UBIAD1: variants seen among roughly 807,000 people sequenced by gnomAD.
The protein encoded by UBIAD1 is UbiA prenyltransferase domain containing 1, also known as ubiA prenyltransferase domain-containing protein 1.
A neutral mutation model predicts 20.1 loss-of-function variants in UBIAD1; 12 were observed. The ratio of observed to expected loss-of-function variants is 0.60; its 90% confidence interval spans 0.38 to 0.97. The LOEUF (loss-of-function observed/expected upper bound fraction) is 0.97. Ranked by LOEUF, UBIAD1 falls within the 50% of genes least tolerant of loss-of-function variation. The pLI is 0.00. For missense variants in UBIAD1, 333 were observed against 419.5 expected (o/e 0.79, Z 1.80); for synonymous variants, 207 against 189.2 (o/e 1.09, Z -0.77).
chr1:11,286,115 G>A lies in UBIAD1; in HGVS notation c.1001G>A (p.Ser334Asn). Reference sequence around the variant, plus strand: ...GGCATCATTCTGGCACCAGCAGGCAGTCTGCCCAAAATTTAAGGGGACAAG... The same window carrying A: ...GGCATCATTCTGGCACCAGCAGGCAATCTGCCCAAAATTTAAGGGGACAAG... ...VFGIILAPAG[S>N]LPKI The change falls in exon 2 of 2, where the codon AGT becomes AAT. Residue 334 changes from serine (S) to asparagine (N), a missense_variant. Physicochemically the swap from Ser to Asn is conservative, Grantham distance 46. Around this residue, in one of 3 missense-constraint regions of UBIAD1, gnomAD observed 226 missense variants for 263.5 expected, o/e 0.86. Coordinates refer to ENST00000376810, the MANE Select transcript of UBIAD1 (RefSeq NM_013319.3). 2.5e-6 allele frequency: 4 copies of A among 1,614,182 alleles called. No individual in the cohort carries two copies. The highest frequency in any genetic ancestry group is 3.4e-6 in the Non-Finnish European group (4 of 1,180,040).
At position 11,286,517 on chromosome 1, in the gene UBIAD1, C is replaced by G. The variant is rs942494437; in HGVS notation, c.*386C>G. The G allele has an allele frequency of 6.1e-6, 2 of 326,850 alleles. No individual in the cohort carries two copies. Among genetic ancestry groups the G allele is most frequent in the Non-Finnish European group, 1.2e-5 (2 of 171,202 alleles). 20.2% of individuals were successfully genotyped at this position (326,850 alleles called of 1,614,324 possible). On this transcript the variant is annotated 3_prime_UTR_variant, in exon 2 of 2. Transcript: ENST00000376810. ...TTTGGCCTCCTGTCCCGAAAAGACC[C>G]TAATAACTAGGCAGAGTGTTGTCCT... is the stretch of plus-strand genomic sequence containing the variant.
Position 11,285,980 on chromosome 1 carries a change from C to G in UBIAD1, c.866C>G (p.Thr289Ser). 6 of 1,614,222 alleles carry G rather than the reference C, an allele frequency of 3.7e-6. No homozygotes were observed. Among genetic ancestry groups the G allele is most frequent in the Non-Finnish European group, 3.4e-6 (4 of 1,180,036 alleles). The change falls in exon 2 of 2, where the codon ACC becomes AGC. Residue 289 changes from threonine (T) to serine (S), a missense_variant. Transcript: ENST00000376810. The surrounding 1 kb of genome is among the most constrained non-coding windows in gnomAD (Gnocchi z 4.4). ...CTISLALPLLTIPMAFSLERQ... is the reference protein window; with the variant it reads ...CTISLALPLLSIPMAFSLERQ... Reference sequence around the variant, plus strand: ...ATCAGCCTGGCACTCCCCCTGCTTACCATTCCCATGGCCTTCTCCCTTGAG... The same window carrying G: ...ATCAGCCTGGCACTCCCCCTGCTTAGCATTCCCATGGCCTTCTCCCTTGAG...
chr1:11,274,019 T>A lies in UBIAD1; in HGVS notation c.488T>A (p.Ile163Asn). ...SPLKLEHLAL[I>N]YFGGLSGSFL... ...CTGAAACTGGAGCACTTGGCTCTTA[T>A]CTACTTTGGAGGCCTGTCTGGCTCC... The change falls in exon 1 of 2, where the codon ATC becomes AAC. Residue 163 changes from isoleucine to asparagine, a missense_variant. By Grantham distance (149) the Ile-to-Asn change is moderately radical. Transcript: ENST00000376810. 1 of 1,614,156 alleles carries A rather than the reference T, an allele frequency of 6.2e-7. No individual in the cohort carries two copies. Among genetic ancestry groups the A allele is most frequent in the South Asian group, 1.1e-5 (1 of 91,086 alleles).
At chr1:11,294,862 G>C (rs2788540) in intron 1 of UBIAD1, 1 of 717,284 alleles carries the variant, frequency 1.4e-6, no homozygotes. Flanking sequence ...CATTCGTCTC[G>C]TCTCTTCCAG....
Position 11,285,091 on chromosome 1 carries a change from G to A in UBIAD1, c.530-553G>A, listed in dbSNP as rs1017709449. Among the ~76,000 whole-genome samples the A allele has an allele frequency of 2.0e-5, 3 of 152,118 alleles. No homozygotes were observed. The highest frequency in any genetic ancestry group is 1.9e-4 in the East Asian group (1 of 5,192). Reference sequence around the variant, plus strand: ...GCAGCATTATAACTCTCCTGTCCTCGCTGTTTTGCTTATCGCAGGGGTGCA... The same window carrying A: ...GCAGCATTATAACTCTCCTGTCCTCACTGTTTTGCTTATCGCAGGGGTGCA... On this transcript the variant is annotated intron_variant, in intron 1 of 1. Transcript: ENST00000376810. The surrounding 1 kb of genome is among the most constrained non-coding windows in gnomAD (Gnocchi z 4.4).
intron 1 of UBIAD1, 124 bp downstream of exon 1, chr1:11,274,184 C>T: frequency 8.2e-7 from 1 of 1,224,764 alleles, no homozygotes; most frequent in South Asian, 1.3e-5. Context: ...TAATTGAAGT[C>T]TATAATTGTG....
At position 11,288,126 on chromosome 1, in the gene UBIAD1, G is replaced by A. The variant is rs940002100; in HGVS notation, c.*1995G>A. ...CTTGTGGCATTTTGGTGCTCACAGG[G>A]GTTTTGCCTTCTGACCTCTCCTTGG... On this transcript the variant is annotated 3_prime_UTR_variant, in exon 2 of 2. Coordinates refer to ENST00000376810, the MANE Select transcript of UBIAD1 (RefSeq NM_013319.3). The A allele has an allele frequency of 2.0e-5, 3 of 152,194 alleles. No individual in the cohort carries two copies. Among genetic ancestry groups the A allele is most frequent in the African/African-American group, 7.2e-5 (3 of 41,532 alleles). The allele number at this position is 152,194 out of a possible 1,614,324, so 9.4% of individuals were successfully genotyped here.
At chr1:11,279,911 A>G (rs562156635) in intron 1 of UBIAD1, among the ~76,000 whole-genome samples, 1 of 152,212 alleles carries the variant, frequency 6.6e-6, no homozygotes, top group African/African-American at 2.4e-5. Context: ...GCCCTGGGAC[A>G]CTCCCACATT....
chr1:11,292,637 T>C (rs137922247), downstream of UBIAD1, among the ~76,000 whole-genome samples: 7 of 150,954 alleles, frequency 4.6e-5, no homozygotes, highest in Admixed American at 4.7e-4. Context: ...ACAGCTGTGA[T>C]TGATATTCTT....
intron 1 of UBIAD1, chr1:11,278,817 G>T: frequency 2.1e-6 from 1 of 481,656 alleles, no homozygotes; most frequent in Non-Finnish European, 3.8e-6. Flanking sequence ...CTAACTGATG[G>T]GGGAGCTTCT....
At chr1:11,299,133 AC>A (rs1638492676), downstream of UBIAD1, among the ~76,000 whole-genome samples, 1 of 151,962 alleles carries the variant, frequency 6.6e-6, no homozygotes, top group Non-Finnish European at 1.5e-5. Context: ...TGCCCTGGAA[AC>A]CCCACTGCCT....
downstream of UBIAD1, among the ~76,000 whole-genome samples, chr1:11,298,690 G>T (rs1442194811): frequency 6.6e-6 from 1 of 152,232 alleles, no homozygotes; most frequent in Non-Finnish European, 1.5e-5. The surrounding 1 kb of genome is among the most constrained non-coding windows in gnomAD (Gnocchi z 4.0). Flanking sequence ...CAGTGGTGCA[G>T]TTATTATCCT....
chr1:11,290,963 C>G (rs1304915819), downstream of UBIAD1, among the ~76,000 whole-genome samples: 1 of 152,062 alleles, frequency 6.6e-6, no homozygotes, highest in African/African-American at 2.4e-5. Flanking sequence ...ACTGTGTCTC[C>G]TAAATAAACA....
chr1:11,277,627 GATGGATAAAGC>G lies in UBIAD1; in HGVS notation c.529+3571_529+3581del, dbSNP rs549747338. On this transcript the variant is annotated intron_variant, in intron 1 of 1. Transcript: ENST00000376810. Reference sequence around the variant, plus strand: ...ACTGCAGCTCTCTTTCACTAAGCAAGATGGATAAAGCATGCCATTTCTGTTTTCTTTTTTCT... The same window carrying G: ...ACTGCAGCTCTCTTTCACTAAGCAAGATGCCATTTCTGTTTTCTTTTTTCT... Among the ~76,000 whole-genome samples the G allele has an allele frequency of 4.4e-4, 67 of 151,960 alleles. No homozygotes were observed. In the South Asian group the frequency reaches 8.1e-3, roughly 18 times the overall value.
At chr1:11,282,949 C>T (rs1652292133) in intron 1 of UBIAD1, among the ~76,000 whole-genome samples, 1 of 151,712 alleles carries the variant, frequency 6.6e-6, no homozygotes, top group African/African-American at 2.4e-5. Flanking sequence ...CATCCTCTGC[C>T]TCCAGGGTTC....
At position 11,280,437 on chromosome 1, in the gene UBIAD1, A is replaced by G. The variant is rs929806894; in HGVS notation, c.530-5207A>G. Among the ~76,000 whole-genome samples, 8 of 152,184 alleles carry G rather than the reference A, an allele frequency of 5.3e-5. No individual in the cohort carries two copies. In the East Asian group the frequency reaches 1.5e-3, roughly 29 times the overall value. On this transcript the variant is annotated intron_variant, in intron 1 of 1. Coordinates refer to ENST00000376810, the MANE Select transcript of UBIAD1 (RefSeq NM_013319.3). Reference sequence around the variant, plus strand: ...GATGTAGCTCATGGCTTCAGATGCCATCTGTTAAGCTAGTGACTCTTAAAC... The same window carrying G: ...GATGTAGCTCATGGCTTCAGATGCCGTCTGTTAAGCTAGTGACTCTTAAAC...
chr1:11,274,078 C>T lies in UBIAD1; in HGVS notation c.529+18C>T, dbSNP rs1651900211. On this transcript the variant is annotated intron_variant, in intron 1 of 1. Coordinates refer to ENST00000376810, the MANE Select transcript of UBIAD1 (RefSeq NM_013319.3). Reference sequence around the variant, plus strand: ...CACAGGAGGTAAGATTTGGCCTGTCCTGTGTGCTGCAGGTCTTAGTCGCGT... The same window carrying T: ...CACAGGAGGTAAGATTTGGCCTGTCTTGTGTGCTGCAGGTCTTAGTCGCGT... 6.2e-7 allele frequency: 1 copy of T among 1,613,788 alleles called. No homozygotes were observed. The highest frequency in any genetic ancestry group is 1.1e-5 in the South Asian group (1 of 91,010).
intron 1 of UBIAD1, among the ~76,000 whole-genome samples, chr1:11,275,646 A>G (rs1386847111): frequency 6.6e-6 from 1 of 152,112 alleles, no homozygotes; most frequent in African/African-American, 2.4e-5. Context: ...TTGGAGGCTG[A>G]GGCGGGAGAA....
Position 11,273,220 on chromosome 1 carries a change from G to A in UBIAD1, c.-312G>A. The stretch of plus-strand genomic sequence containing the variant: ...CCTGTTTCCGGGCGGGCCTCCAGAG[G>A]CCGGCGCACAAGATGGCGGCTCTGG... On this transcript the variant is annotated 5_prime_UTR_variant, in exon 1 of 2. Coordinates refer to ENST00000376810, the MANE Select transcript of UBIAD1 (RefSeq NM_013319.3). The surrounding 1 kb of genome is among the most constrained non-coding windows in gnomAD (Gnocchi z 4.9). 1 of 367,828 alleles carries A rather than the reference G, an allele frequency of 2.7e-6. No homozygotes were observed. Among genetic ancestry groups the A allele is most frequent in the South Asian group, 2.6e-5 (1 of 38,642 alleles). The allele number at this position is 367,828 out of a possible 1,614,324, so 22.8% of individuals were successfully genotyped here.
Sources: gnomAD v4.1 joint callset for allele counts (sites outside exome capture counted in the v4.1 genomes callset) on GRCh38, gnomAD v4.1.1 for gene constraint, gnomAD v4.1.1 regional missense constraint, Gnocchi (gnomAD v3.1) non-coding constraint, MANE v1.5 for transcripts, NCBI Gene and HGNC (gene_info 2026-07-23, HGNC 2026-07-21) for gene names.